Variants in NWD1 observed in about 807,000 individuals in gnomAD.
NWD1 encodes the protein NACHT domain- and WD repeat-containing protein 1.
Under a neutral mutation model 135.1 loss-of-function variants are expected in NWD1, and 129 were observed. The observed-to-expected ratio is 0.96, with a 90% CI of 0.83 to 1.11. NWD1 has a LOEUF of 1.11. Among genes scored for constraint, NWD1 ranks in the 50% least tolerant of loss-of-function variants. The pLI is 0.00. For missense variants in NWD1, 1,740 were observed against 1,851.3 expected (o/e 0.94, Z 1.10); for synonymous variants, 773 against 786.0 (o/e 0.98, Z 0.28).
At chr19:16,741,774 G>T (rs1001576715) in intron 4 of NWD1, among the ~76,000 whole-genome samples, 3 of 152,068 alleles carry the variant, frequency 2.0e-5, no homozygotes, top group Non-Finnish European at 4.4e-5. Context: ...GCTGCCATTT[G>T]ACCTTGGTCT....
Position 16,749,702 on chromosome 19 carries a change from C to G in NWD1, c.1060C>G (p.Leu354Val). ...GIGKTALMCK[L>V]AEQMPRLLGH... ...TGGAAAGACAGCCCTGATGTGCAAGCTGGCTGAGCAGATGCCAAGGCTGCT... is the reference window on the plus strand; with the variant it reads ...TGGAAAGACAGCCCTGATGTGCAAGGTGGCTGAGCAGATGCCAAGGCTGCT... The change falls in exon 6 of 19, where the codon CTG becomes GTG. Residue 354 changes from leucine to valine, a missense_variant. By Grantham distance (32) the Leu-to-Val change is conservative. Coordinates refer to ENST00000524140, the MANE Select transcript of NWD1 (RefSeq NM_001007525.5). 6.2e-7 allele frequency: 1 copy of G among 1,602,042 alleles called. No individual in the cohort carries two copies. Among genetic ancestry groups the G allele is most frequent in the Non-Finnish European group, 8.5e-7 (1 of 1,173,160 alleles).
intron 9 of NWD1, 83 bp downstream of exon 9, chr19:16,764,028 G>C (rs1969122341): frequency 1.2e-6 from 1 of 839,006 alleles, no homozygotes; most frequent in Non-Finnish European, 2.0e-6. Context: ...GAGGGTGAAG[G>C]GCAAACATGG....
chr19:16,808,097 C>T lies in NWD1; in HGVS notation c.4248C>T (p.Asp1416=), dbSNP rs1197361421. 2.5e-6 allele frequency: 4 copies of T among 1,613,894 alleles called. No homozygotes were observed. In the Admixed American group the frequency reaches 5.0e-5, roughly 20 times the overall value. ...GSEDALLCLW[D]LQARKWKFEM... is the part of the protein sequence containing the mutation. ...AGGATGCCCTGCTGTGTCTCTGGGA[C>T]CTGCAGGCACGCAAGTGGAAATTCG... The change falls in exon 18 of 19, where the codon GAC becomes GAT. Residue 1416 remains aspartate, a synonymous_variant. Coordinates refer to ENST00000524140, the MANE Select transcript of NWD1 (RefSeq NM_001007525.5).
intron 18 of NWD1, among the ~76,000 whole-genome samples, chr19:16,811,946 A>G (rs1970938086): frequency 6.6e-6 from 1 of 152,136 alleles, no homozygotes; most frequent in African/African-American, 2.4e-5. Flanking sequence ...AACCCAGGAG[A>G]CGGAGGTTGC....
At chr19:16,773,354 G>T in intron 11 of NWD1, 31 bp downstream of exon 11, 1 of 1,586,136 alleles carries the variant, frequency 6.3e-7, no homozygotes, top group South Asian at 1.1e-5. Context: ...AAAAATCCCA[G>T]CAGGCACCTG....
chr19:16,745,842 G>A (rs754401215), intron 5 of NWD1, among the ~76,000 whole-genome samples: 3 of 151,956 alleles, frequency 2.0e-5, no homozygotes, highest in Admixed American at 6.6e-5. Context: ...GCTGGAGCCC[G>A]GGAGTTGGAG....
intron 11 of NWD1, among the ~76,000 whole-genome samples, chr19:16,776,258 C>T (rs1311699889): frequency 3.9e-5 from 6 of 151,986 alleles, no homozygotes; most frequent in Non-Finnish European, 8.8e-5. Context: ...GTGTGGACTT[C>T]AGTTTGTTCA....
chr19:16,812,950 C>G (rs1311020947), intron 18 of NWD1: 3 of 738,390 alleles, frequency 4.1e-6, no homozygotes, highest in Non-Finnish European at 7.5e-6. Flanking sequence ...CTGGCCACCT[C>G]TAGCTGCATC....
At position 16,759,386 on chromosome 19, in the gene NWD1, G is replaced by A. The variant is rs144804746; in HGVS notation, c.1931G>A (p.Arg644Gln). Residue 644 changes from arginine to glutamine, a missense_variant, in exon 7 of 19, where the codon CGG becomes CAG. Physicochemically the swap from Arg to Gln is conservative, Grantham distance 43. Transcript: ENST00000524140. ...LRRDLGYYLA[R>Q]RPVDGFTLLA... ...CGGGATCTGGGATACTACTTGGCCC[G>A]GCGGCCCGTGGATGGCTTCACCCTC... 101 of 1,595,184 alleles carry A rather than the reference G, an allele frequency of 6.3e-5. No individual in the cohort carries two copies. The highest frequency in any genetic ancestry group is 7.8e-5 in the Non-Finnish European group (91 of 1,172,328).
At chr19:16,767,265 C>T (rs544562862) in intron 10 of NWD1, among the ~76,000 whole-genome samples, 13 of 150,150 alleles carry the variant, frequency 8.7e-5, no homozygotes, top group Non-Finnish European at 1.3e-4. Context: ...CTGCAAGCTC[C>T]GCCTCCTGGG....
At chr19:16,754,257 C>T (rs1196823735) in intron 6 of NWD1, among the ~76,000 whole-genome samples, 2 of 151,134 alleles carry the variant, frequency 1.3e-5, no homozygotes, top group East Asian at 3.9e-4. Flanking sequence ...ATCTTCCATC[C>T]ATCTATCCAT....
rs532707038 is a variant in NWD1, at chr19:16,765,060, G to A, written c.2278G>A (p.Gly760Ser). The part of the protein sequence containing the change: ...LGSMSWISCR[G>S]ISGGIEDLLD... ...CAGCATGAGCTGGATTTCCTGCCGG[G>A]GCATCTCTGGGGGCATTGAAGACCT... Residue 760 changes from glycine to serine, a missense_variant, in exon 10 of 19, where the codon GGC (glycine) becomes AGC (serine). Transcript: ENST00000524140. 13 of 1,614,064 alleles carry A rather than the reference G, an allele frequency of 8.1e-6. No individual in the cohort carries two copies. The highest frequency in any genetic ancestry group is 2.2e-5 in the East Asian group (1 of 44,874).
rs1968502038 is a variant in NWD1, at chr19:16,749,993, G to T, written c.1351G>T (p.Val451Phe). The part of the protein sequence containing the change: ...DLDSVRHARR[V>F]PWLPLNCPPR... ...GGACTCTGTCCGCCATGCTCGGAGG[G>T]TTCCCTGGCTGCCTCTCAACTGCCC... The change falls in exon 6 of 19, where the codon GTT (valine) becomes TTT (phenylalanine). Residue 451 changes from valine to phenylalanine, a missense_variant. Coordinates refer to ENST00000524140, the MANE Select transcript of NWD1 (RefSeq NM_001007525.5). 19 of 1,613,872 alleles carry T rather than the reference G, an allele frequency of 1.2e-5. No homozygotes were observed. Among genetic ancestry groups the T allele is most frequent in the Non-Finnish European group, 1.6e-5 (19 of 1,180,014 alleles).
At chr19:16,810,472 G>T (rs1000587804) in intron 18 of NWD1, among the ~76,000 whole-genome samples, 2 of 146,786 alleles carry the variant, frequency 1.4e-5, no homozygotes, top group Non-Finnish European at 3.0e-5. Flanking sequence ...GAAAAAGAAG[G>T]CCTTGTAAGT....
In NWD1 at chr19:16,773,166, T is replaced by C; in HGVS notation, c.2451T>C (p.His817=). The C allele has an allele frequency of 6.2e-7, 1 of 1,613,904 alleles. No individual in the cohort carries two copies. Among genetic ancestry groups the C allele is most frequent in the South Asian group, 1.1e-5 (1 of 91,076 alleles). The change falls in exon 11 of 19, where the codon CAT becomes CAC. Residue 817 remains histidine, a synonymous_variant. Coordinates refer to ENST00000524140, the MANE Select transcript of NWD1 (RefSeq NM_001007525.5). ...LLYTELLARL[H]FFATSHPALV... ...ACACAGAACTGCTGGCCAGACTCCA[T>C]TTCTTCGCCACCTCACATCCAGCAC...
chr19:16,776,199 C>T (rs962451045), intron 11 of NWD1, among the ~76,000 whole-genome samples: 1 of 152,108 alleles, frequency 6.6e-6, no homozygotes, highest in Admixed American at 6.6e-5. Flanking sequence ...ATCCACTGTG[C>T]CCCGCTGTAC....
intron 11 of NWD1, among the ~76,000 whole-genome samples, chr19:16,778,177 C>G (rs1052663959): frequency 2.6e-5 from 4 of 152,092 alleles, no homozygotes; most frequent in African/African-American, 9.7e-5. Context: ...GTGGAAGAGG[C>G]ACACAGAAGG....
At chr19:16,766,149 T>C in intron 10 of NWD1, among the ~76,000 whole-genome samples, 1 of 152,090 alleles carries the variant, frequency 6.6e-6, no homozygotes, top group East Asian at 1.9e-4. Flanking sequence ...TTTTTATTGA[T>C]GAAATTCAAA....
At chr19:16,758,678 T>C (rs866552747) in intron 6 of NWD1, among the ~76,000 whole-genome samples, 5 of 152,074 alleles carry the variant, frequency 3.3e-5, no homozygotes, top group African/African-American at 1.2e-4. Flanking sequence ...CTTCCCTCCC[T>C]ATAGTGTCTG....
Sources: gnomAD v4.1 joint callset for allele counts (sites outside exome capture counted in the v4.1 genomes callset) on GRCh38, gnomAD v4.1.1 for gene constraint, MANE v1.5 for transcripts, NCBI Gene and HGNC (gene_info 2026-07-23, HGNC 2026-07-21) for gene names.